DSCAML1: variants seen among roughly 807,000 people sequenced by gnomAD.
The protein encoded by DSCAML1 is cell adhesion molecule DSCAML1.
Under a neutral mutation model 200.5 loss-of-function variants are expected in DSCAML1, and 38 were observed. The ratio of observed to expected loss-of-function variants is 0.19; its 90% CI spans 0.15 to 0.25. DSCAML1 has a LOEUF of 0.25. Ranked by LOEUF, DSCAML1 falls within the 10% of genes least tolerant of loss-of-function variation. DSCAML1 has a pLI of 1.00. For synonymous variants in DSCAML1, 1,215 were observed against 1,165.0 expected (o/e 1.04, Z -0.87); for missense variants, 2,223 against 2,858.8 (o/e 0.78, Z 5.07).
chr11:117,707,198 G>A (rs1198917201), intron 3 of DSCAML1, among the ~76,000 whole-genome samples: 9 of 152,328 alleles, frequency 5.9e-5, no homozygotes, highest in Middle Eastern at 6.8e-3. Context: ...GTGGACACCT[G>A]TAGGGGAGCA....
chr11:117,460,222 C>T (rs1223307543), intron 18 of DSCAML1, among the ~76,000 whole-genome samples: 1 of 152,210 alleles, frequency 6.6e-6, no homozygotes, highest in Non-Finnish European at 1.5e-5. Flanking sequence ...TTGTGAGCAG[C>T]GTGGCCTGAC....
chr11:117,631,082 C>T (rs963058656), intron 3 of DSCAML1, among the ~76,000 whole-genome samples: 25 of 152,058 alleles, frequency 1.6e-4, no homozygotes, highest in Non-Finnish European at 2.6e-4. Flanking sequence ...TGACAAAGGT[C>T]GGGGGAGGGC....
chr11:117,468,268 A>G (rs910898045), intron 16 of DSCAML1, among the ~76,000 whole-genome samples: 1 of 152,024 alleles, frequency 6.6e-6, no homozygotes, highest in Non-Finnish European at 1.5e-5. Context: ...CTTATCTTCA[A>G]GTGAATCTTT....
intron 3 of DSCAML1, among the ~76,000 whole-genome samples, chr11:117,591,564 A>G (rs535572812): frequency 1.4e-4 from 21 of 152,158 alleles, no homozygotes; most frequent in Non-Finnish European, 2.5e-4. Context: ...GGACGTGGAG[A>G]AGTAGGAACC....
At chr11:117,759,123 T>G (rs1165067335) in intron 3 of DSCAML1, among the ~76,000 whole-genome samples, 1 of 152,218 alleles carries the variant, frequency 6.6e-6, no homozygotes, top group Non-Finnish European at 1.5e-5. Flanking sequence ...TCCCTCACCC[T>G]GTAGCAGGAT....
intron 1 of DSCAML1, among the ~76,000 whole-genome samples, chr11:117,816,556 C>T (rs982710769): frequency 1.1e-4 from 16 of 152,196 alleles, no homozygotes; most frequent in Admixed American, 7.9e-4. Context: ...ACTAATCTCC[C>T]CCACAGCAGC....
intron 3 of DSCAML1, among the ~76,000 whole-genome samples, chr11:117,591,620 C>A (rs969641747): frequency 6.6e-6 from 1 of 152,242 alleles, no homozygotes; most frequent in Non-Finnish European, 1.5e-5. Context: ...GCATTCTCTG[C>A]ATCTCCCTCA....
upstream of DSCAML1, chr11:117,800,979 G>A (rs1320358716): frequency 6.6e-6 from 1 of 152,170 alleles, no homozygotes; most frequent in Non-Finnish European, 1.5e-5. Flanking sequence ...GACAACTTGA[G>A]TATAAACAGG....
At chr11:117,435,053 G>A (rs144569086) in intron 27 of DSCAML1, among the ~76,000 whole-genome samples, 147 of 152,340 alleles carry the variant, frequency 9.6e-4, no homozygotes, top group African/African-American at 3.4e-3. Flanking sequence ...TTCCAAATAA[G>A]TGAAAGTATA....
intron 3 of DSCAML1, among the ~76,000 whole-genome samples, chr11:117,596,145 T>C (rs993999449): frequency 1.3e-5 from 2 of 152,182 alleles, no homozygotes; most frequent in Admixed American, 1.3e-4. Context: ...AAATTATCTG[T>C]GAGAGCTGCT....
chr11:117,511,589 C>T (rs2137291914), intron 8 of DSCAML1, among the ~76,000 whole-genome samples: 1 of 152,322 alleles, frequency 6.6e-6, no homozygotes, highest in African/African-American at 2.4e-5. Flanking sequence ...GCCATCCCTG[C>T]AGCCTGGCTC....
At chr11:117,698,053 A>G (rs2053614038) in intron 3 of DSCAML1, among the ~76,000 whole-genome samples, 1 of 152,202 alleles carries the variant, frequency 6.6e-6, no homozygotes, top group South Asian at 2.1e-4. Flanking sequence ...TTCAGGCGTG[A>G]GCCACTGCAC....
rs779516792 is a variant in DSCAML1 at position 117,776,830 on chromosome 11, C to T, written c.472G>A (p.Val158Ile). ...ACTGTGTCTTTCTCCCAAGATACAA[C>T]GCTAACATATTCCTGCACTGAAGAG... ...IPSSVQEYVS[V>I]VSWEKDTVSI... The change falls in exon 3 of 33, where the codon GTT becomes ATT. Residue 158 changes from valine (V) to isoleucine (I), a missense_variant. Transcript: ENST00000651296. 3.3e-5 allele frequency: 54 copies of T among 1,614,040 alleles called. 1 individual carries two copies. Among genetic ancestry groups the T allele is most frequent in the Admixed American group, 1.8e-4 (11 of 60,004 alleles).
chr11:117,442,338 GTA>G (rs773477925), intron 21 of DSCAML1, among the ~76,000 whole-genome samples: 14 of 151,798 alleles, frequency 9.2e-5, no homozygotes, highest in Non-Finnish European at 1.6e-4. Context: ...TGTATAGTGT[GTA>G]TGTGTGTGCA....
intron 1 of DSCAML1, among the ~76,000 whole-genome samples, chr11:117,803,224 T>C (rs2134085524): frequency 6.6e-6 from 1 of 152,256 alleles, no homozygotes; most frequent in South Asian, 2.1e-4. Context: ...AACCAGAAGT[T>C]GTATCACAGT....
Position 117,696,798 on chromosome 11 carries a change from G to A in DSCAML1, c.511+79993C>T, listed in dbSNP as rs190891650. On this transcript the variant is annotated intron_variant, in intron 3 of 32. Coordinates refer to ENST00000651296, the MANE Select transcript of DSCAML1 (RefSeq NM_020693.4). ...GCTAATCTCCCATAGTTACAACCAC[G>A]AGCTTAGTGCTCACTATTCAGCTCA... is the stretch of plus-strand genomic sequence containing the variant. 5.7e-4 allele frequency among the ~76,000 whole-genome samples: 87 copies of A among 152,230 alleles called. 1 individual carries two copies. The highest frequency in any genetic ancestry group is 2.0e-3 in the African/African-American group (82 of 41,524).
In DSCAML1 at chr11:117,498,132, G is replaced by A. The variant is rs2049327906; in HGVS notation, c.2359+5713C>T. Among the ~76,000 whole-genome samples the A allele has an allele frequency of 6.6e-6, 1 of 152,226 alleles. No homozygotes were observed. The highest frequency in any genetic ancestry group is 1.5e-5 in the Non-Finnish European group (1 of 68,034). ...CCCAGGGAGGCGAAGACCAGCCCCA[G>A]CCCCCAAGGAGCTTCAGTCTGTGAC... On this transcript the variant is annotated intron_variant, in intron 11 of 32. Coordinates refer to ENST00000651296, the MANE Select transcript of DSCAML1 (RefSeq NM_020693.4). The surrounding 1 kb of genome is among the most constrained non-coding windows in gnomAD (Gnocchi z 4.0).
intron 29 of DSCAML1, 72 bp downstream of exon 29, chr11:117,433,066 T>C: frequency 7.2e-7 from 1 of 1,384,462 alleles, no homozygotes; most frequent in Non-Finnish European, 1.0e-6. Flanking sequence ...GGGTTGGTGT[T>C]TGACTTCCAT....
intron 3 of DSCAML1, among the ~76,000 whole-genome samples, chr11:117,635,455 T>TGC (rs2052262426): frequency 6.6e-6 from 1 of 151,508 alleles, no homozygotes; most frequent in Non-Finnish European, 1.5e-5. Flanking sequence ...GTGGTGTGTG[T>TGC]GTGTGTGTGT....
Sources: gnomAD v4.1 joint callset for allele counts (sites outside exome capture counted in the v4.1 genomes callset) on GRCh38, gnomAD v4.1.1 for gene constraint, Gnocchi (gnomAD v3.1) non-coding constraint, MANE v1.5 for transcripts, NCBI Gene and HGNC (gene_info 2026-07-23, HGNC 2026-07-21) for gene names.